The following EYS variants were observed in gnomAD, a reference collection of about 807,000 sequenced individuals.
The protein encoded by EYS is protein eyes shut homolog.
Under a neutral mutation model 282.1 loss-of-function variants are expected in EYS, and 250 were observed. The ratio of observed to expected loss-of-function variants is 0.89; its 90% confidence interval spans 0.80 to 0.98. The LOEUF is 0.98. Ranked by LOEUF, EYS falls within the 50% of genes least tolerant of loss-of-function variation. The pLI, the probability that EYS is intolerant of heterozygous loss-of-function variation, is 0.00. For missense variants in EYS, 4,016 were observed against 3,709.0 expected (o/e 1.08, Z -2.15); for synonymous variants, 1,355 against 1,282.9 (o/e 1.06, Z -1.20).
At chr6:65,260,256 C>T (rs1767586032) in intron 12 of EYS, among the ~76,000 whole-genome samples, 1 of 151,942 alleles carries the variant, frequency 6.6e-6, no homozygotes, top group South Asian at 2.1e-4. Flanking sequence ...ATTACCTCCA[C>T]CTGGTCTCTC....
chr6:65,482,296 A>G (rs66708167), intron 5 of EYS, among the ~76,000 whole-genome samples: 26,534 of 152,142 alleles, frequency 0.17, 2,882 homozygotes, highest in East Asian at 0.27. Context: ...TTATCATTCC[A>G]AATTTTATAA....
intron 31 of EYS, among the ~76,000 whole-genome samples, chr6:64,117,524 ATACAT>A (rs981037633): frequency 2.9e-4 from 44 of 152,056 alleles, no homozygotes; most frequent in African/African-American, 3.6e-4. Context: ...AAATGAAAAA[ATACAT>A]TACAATAATG....
intron 26 of EYS, among the ~76,000 whole-genome samples, chr6:64,453,521 G>T (rs1294337524): frequency 6.6e-6 from 1 of 152,134 alleles, no homozygotes; most frequent in Non-Finnish European, 1.5e-5. Context: ...CTACCCAAAG[G>T]ATTATAAATC....
chr6:65,643,290 C>A (rs140324919), intron 1 of EYS, among the ~76,000 whole-genome samples: 1 of 152,124 alleles, frequency 6.6e-6, no homozygotes, highest in African/African-American at 2.4e-5. Flanking sequence ...GTGACCTGTA[C>A]GACTCAGCAG....
intron 5 of EYS, among the ~76,000 whole-genome samples, chr6:65,465,985 TCAA>T (rs1764984438): frequency 6.6e-6 from 1 of 151,698 alleles, no homozygotes; most frequent in Non-Finnish European, 1.5e-5. Flanking sequence ...AATCAATCAA[TCAA>T]TCAATCAATC....
intron 12 of EYS, among the ~76,000 whole-genome samples, chr6:65,074,798 G>T (rs1350945770): frequency 6.6e-6 from 1 of 151,930 alleles, no homozygotes; most frequent in African/African-American, 2.4e-5. Context: ...GTAAAGACAG[G>T]CCTCTGTTTA....
chr6:65,133,754 C>G (rs1775947359), intron 12 of EYS, among the ~76,000 whole-genome samples: 1 of 151,510 alleles, frequency 6.6e-6, no homozygotes, highest in African/African-American at 2.4e-5. Context: ...GCAACAAAAG[C>G]AAAAAAGAGA....
chr6:65,512,569 C>A (rs565614686), intron 2 of EYS, among the ~76,000 whole-genome samples: 4 of 146,532 alleles, frequency 2.7e-5, no homozygotes, highest in African/African-American at 1.0e-4. Flanking sequence ...TGTAAAAGAA[C>A]AGAAATTATA....
rs1357308843 is a variant in EYS, at chr6:65,405,261, T to A, written c.969A>T (p.Gly323=). The part of the protein sequence containing the change: ...SSAYTYECPK[G]SSSQNGETDV... ...CAGTTTCACCATTTTGGCTGGAAGA[T>A]CCTTTTGGGCATTCATAAGTATAAG... Residue 323 remains glycine (G), a synonymous_variant, in exon 6 of 43, where the codon GGA becomes GGT. Transcript: ENST00000503581. 1.2e-6 allele frequency: 2 copies of A among 1,613,348 alleles called. No individual in the cohort carries two copies. Among genetic ancestry groups the A allele is most frequent in the Admixed American group, 1.7e-5 (1 of 59,944 alleles).
At chr6:65,096,037 T>G (rs569928169) in intron 12 of EYS, among the ~76,000 whole-genome samples, 1 of 151,150 alleles carries the variant, frequency 6.6e-6, no homozygotes, top group South Asian at 2.1e-4. Flanking sequence ...GGGTCTCATA[T>G]GTAGAAAACC....
intron 31 of EYS, among the ~76,000 whole-genome samples, chr6:64,230,133 A>G (rs971256092): frequency 1.3e-5 from 2 of 152,202 alleles, no homozygotes; most frequent in African/African-American, 4.8e-5. Flanking sequence ...TAATGTTAAA[A>G]CCATATTCTT....
intron 2 of EYS, among the ~76,000 whole-genome samples, chr6:65,575,868 A>T (rs1231456015): frequency 6.6e-6 from 1 of 152,084 alleles, no homozygotes; most frequent in African/African-American, 2.4e-5. Flanking sequence ...CTAGACACAT[A>T]CAAAATACCA....
chr6:65,669,591 T>C (rs1390570485), intron 1 of EYS, among the ~76,000 whole-genome samples: 1 of 152,028 alleles, frequency 6.6e-6, no homozygotes, highest in Non-Finnish European at 1.5e-5. Context: ...TCTTCACCTA[T>C]ACACAGACAA....
At chr6:64,312,008 C>A (rs1769731486) in intron 29 of EYS, among the ~76,000 whole-genome samples, 2 of 136,828 alleles carry the variant, frequency 1.5e-5, no homozygotes, top group South Asian at 4.5e-4. Flanking sequence ...CCCAGTGGCA[C>A]CTGGAATGCC....
chr6:65,693,765 C>T lies in EYS; in HGVS notation c.-448+13370G>A, dbSNP rs185293857. Among the ~76,000 whole-genome samples the T allele has an allele frequency of 2.1e-3, 312 of 149,784 alleles. 15 individuals are homozygous for T. The Middle Eastern group carries it at 0.027, about 13-fold the overall frequency. ...TTTTTTTAAAAAGACATGAAGTAAA[C>T]GCAATGAGATATGGAAGATCCTATG... On this transcript the variant is annotated intron_variant, in intron 1 of 42. Coordinates refer to ENST00000503581, the MANE Select transcript of EYS (RefSeq NM_001142800.2).
In EYS at chr6:64,902,122, A is replaced by G. The variant is rs1767685290; in HGVS notation, c.2837T>C (p.Leu946Pro). 16 of 1,539,166 alleles carry G rather than the reference A, an allele frequency of 1.0e-5. No individual in the cohort carries two copies. Among genetic ancestry groups the G allele is most frequent in the Non-Finnish European group, 1.3e-5 (15 of 1,141,848 alleles). Reference sequence around the variant, plus strand: ...AAAAGTAGCTTCTCACCTGTTTGTCAGATCCACACATGTTCCATTATTTTT... The same window carrying G: ...AAAAGTAGCTTCTCACCTGTTTGTCGGATCCACACATGTTCCATTATTTTT... ...PCKNNGTCVD[L>P]TNRFFCNCEP... The change falls in exon 18 of 43, where the codon CTG becomes CCG. Residue 946 changes from leucine (L) to proline (P), a missense_variant. Physicochemically the swap from Leu to Pro is moderately conservative, Grantham distance 98. Transcript: ENST00000503581.
intron 1 of EYS, among the ~76,000 whole-genome samples, chr6:65,676,421 T>C (rs1768599969): frequency 6.6e-6 from 1 of 151,684 alleles, no homozygotes; most frequent in African/African-American, 2.4e-5. Context: ...TAAAAGAGTA[T>C]TACAAAAATT....
intron 22 of EYS, among the ~76,000 whole-genome samples, chr6:64,762,726 T>C (rs1390488397): frequency 6.6e-6 from 1 of 152,000 alleles, no homozygotes; most frequent in East Asian, 1.9e-4. Context: ...TCACCCCTCA[T>C]AGATAGGAAA....
intron 12 of EYS, among the ~76,000 whole-genome samples, chr6:65,060,335 A>G (rs1773532194): frequency 1.3e-5 from 2 of 151,908 alleles, no homozygotes; most frequent in Admixed American, 1.3e-4. Context: ...CACAATACGT[A>G]TACACCCATA....
Sources: allele counts gnomAD v4.1 joint callset (sites outside exome capture counted in the v4.1 genomes callset), GRCh38; gene constraint gnomAD v4.1.1; transcripts MANE v1.5; gene names NCBI Gene and HGNC (gene_info 2026-07-23, HGNC 2026-07-21).